The following RAP1GAP2 variants were observed in gnomAD, a reference collection of about 807,000 sequenced individuals.
The protein encoded by RAP1GAP2 is rap1 GTPase-activating protein 2.
In RAP1GAP2, 27 loss-of-function variants were observed where a neutral mutation model predicts 95.0. The observed-to-expected ratio is 0.28, with a 90% CI of 0.21 to 0.39. RAP1GAP2 has a LOEUF of 0.39. Ranked by LOEUF, RAP1GAP2 falls within the 10% of genes least tolerant of loss-of-function variation. The pLI, the probability that RAP1GAP2 is intolerant of heterozygous loss-of-function variation, is 1.00. For missense variants in RAP1GAP2, 771 were observed against 970.0 expected, an observed-to-expected ratio of 0.79 and a Z score of 2.72; for synonymous variants, 373 against 380.9, an observed-to-expected ratio of 0.98 and a Z score of 0.24.
chr17:2,864,954 C>CTGG (rs2072564226), intron 2 of RAP1GAP2, among the ~76,000 whole-genome samples: 1 of 152,302 alleles, frequency 6.6e-6, no homozygotes, highest in Non-Finnish European at 1.5e-5. Context: ...CTGCACCTGC[C>CTGG]TGGTACTTAT....
At position 2,842,614 on chromosome 17, in the gene RAP1GAP2, C is replaced by A. The variant is rs545149131; in HGVS notation, c.80+42064C>A. On this transcript the variant is annotated intron_variant, in intron 2 of 24. Coordinates refer to ENST00000254695, the MANE Select transcript of RAP1GAP2 (RefSeq NM_015085.5). ...ACAGTAGTTTTGGAGCCCTCCCCTCCCTAGAGTTGCCTAAAAGCCGTGGGT... is the reference window on the plus strand; with the variant it reads ...ACAGTAGTTTTGGAGCCCTCCCCTCACTAGAGTTGCCTAAAAGCCGTGGGT... 1.6e-4 allele frequency among the ~76,000 whole-genome samples: 24 copies of A among 152,152 alleles called. No individual in the cohort carries two copies. In the South Asian group the frequency reaches 2.3e-3, roughly 14 times the overall value.
chr17:2,885,747 G>C (rs995933556), intron 2 of RAP1GAP2, among the ~76,000 whole-genome samples: 1 of 152,230 alleles, frequency 6.6e-6, no homozygotes, highest in Non-Finnish European at 1.5e-5. Context: ...GAGAGGATCT[G>C]GGAAGGGGAG....
At chr17:2,882,330 C>A (rs1157889447) in intron 2 of RAP1GAP2, among the ~76,000 whole-genome samples, 1 of 145,112 alleles carries the variant, frequency 6.9e-6, no homozygotes, top group South Asian at 2.2e-4. Context: ...TTACTCTTGT[C>A]CCCCAGGGTG....
intron 8 of RAP1GAP2, among the ~76,000 whole-genome samples, chr17:2,966,490 A>G (rs1258478395): frequency 6.6e-6 from 1 of 152,188 alleles, no homozygotes; most frequent in Admixed American, 6.5e-5. Flanking sequence ...TCATAAAGGT[A>G]TTTGGAAAAG....
Position 3,020,578 on chromosome 17 carries a change from C to G in RAP1GAP2, c.1734C>G (p.Gly578=). ...PRLHTGSEGQ[G]DSRARCDSTS... is the part of the protein sequence containing the mutation. The stretch of plus-strand genomic sequence containing the variant: ...TGCACACGGGCTCAGAAGGCCAGGG[C>G]GACAGCCGGGCACGATGGTAACTGT... Residue 578 remains glycine, a synonymous_variant, in exon 19 of 25, where the codon GGC becomes GGG. Transcript: ENST00000254695. 1 of 1,613,698 alleles carries G rather than the reference C, an allele frequency of 6.2e-7. No homozygotes were observed. Among genetic ancestry groups the G allele is most frequent in the Non-Finnish European group, 8.5e-7 (1 of 1,179,784 alleles).
chr17:2,890,345 T>C (rs1017950532), intron 2 of RAP1GAP2, among the ~76,000 whole-genome samples: 2 of 152,214 alleles, frequency 1.3e-5, no homozygotes, highest in Non-Finnish European at 2.9e-5. Context: ...GAAACTGTTA[T>C]TTAGTTTGAA....
intron 2 of RAP1GAP2, among the ~76,000 whole-genome samples, chr17:2,840,692 T>C (rs902948676): frequency 1.1e-4 from 16 of 152,178 alleles, no homozygotes; most frequent in African/African-American, 3.6e-4. Flanking sequence ...ATTATATCCA[T>C]TTATGATGTG....
Position 2,818,922 on chromosome 17 carries a change from T to C in RAP1GAP2, c.80+18372T>C, listed in dbSNP as rs578228968. Among the ~76,000 whole-genome samples the C allele has an allele frequency of 1.3e-4, 20 of 152,292 alleles. No homozygotes were observed. The East Asian group carries it at 3.1e-3, about 23-fold the overall frequency. ...TTTGGAGACTGAGTAAGTTTATACA[T>C]GTCTAGTGCTTAGAACAGAGAGGGG... On this transcript the variant is annotated intron_variant, in intron 2 of 24. Coordinates refer to ENST00000254695, the MANE Select transcript of RAP1GAP2 (RefSeq NM_015085.5).
chr17:2,926,291 G>A (rs556033137), intron 3 of RAP1GAP2, among the ~76,000 whole-genome samples: 82 of 152,244 alleles, frequency 5.4e-4, no homozygotes, highest in Middle Eastern at 6.8e-3. Flanking sequence ...CACGGGCAGC[G>A]CCCACGTCCT....
At chr17:2,945,436 G>C (rs1443316347) in intron 3 of RAP1GAP2, among the ~76,000 whole-genome samples, 1 of 152,134 alleles carries the variant, frequency 6.6e-6, no homozygotes, top group Non-Finnish European at 1.5e-5. Flanking sequence ...TGACAATAGA[G>C]ATAGTTTTAC....
rs1245907959 is a variant in RAP1GAP2 at position 2,798,829 on chromosome 17, G to GT, written c.45-1683dup. Among the ~76,000 whole-genome samples, 6 of 152,208 alleles carry GT rather than the reference G, an allele frequency of 3.9e-5. No homozygotes were observed. In the East Asian group the frequency reaches 1.2e-3, roughly 29 times the overall value. Reference sequence around the variant, plus strand: ...GTGGGCTGGCTGCTGTGTAGGCGTGGTTTGAACCAGGGCTGCTGTGACCAC... The same window carrying GT: ...GTGGGCTGGCTGCTGTGTAGGCGTGGTTTTGAACCAGGGCTGCTGTGACCAC... On this transcript the variant is annotated intron_variant, in intron 1 of 24. Transcript: ENST00000254695.
At chr17:2,760,083 G>T (rs2071214297) in intron 1 of RAP1GAP2, among the ~76,000 whole-genome samples, 1 of 151,884 alleles carries the variant, frequency 6.6e-6, no homozygotes, top group African/African-American at 2.4e-5. Flanking sequence ...GATGAAAAAT[G>T]GTCTCTTGGA....
At chr17:2,837,905 C>T (rs897259074) in intron 2 of RAP1GAP2, among the ~76,000 whole-genome samples, 2 of 150,516 alleles carry the variant, frequency 1.3e-5, no homozygotes, top group East Asian at 4.0e-4. Flanking sequence ...CGCACCCGGT[C>T]TCAGCCCTGC....
chr17:2,812,572 C>T (rs2151501199), intron 2 of RAP1GAP2, among the ~76,000 whole-genome samples: 1 of 152,012 alleles, frequency 6.6e-6, no homozygotes, highest in East Asian at 1.9e-4. Flanking sequence ...ACCCCCAGCC[C>T]CCATCTGGTG....
At position 3,030,965 on chromosome 17, in the gene RAP1GAP2, C is replaced by G; in HGVS notation, c.2151C>G (p.Arg717=). 1 of 1,610,982 alleles carries G rather than the reference C, an allele frequency of 6.2e-7. No homozygotes were observed. The highest frequency in any genetic ancestry group is 8.5e-7 in the Non-Finnish European group (1 of 1,178,756). Residue 717 remains arginine, a synonymous_variant, in exon 23 of 25, where the codon CGC becomes CGG. Coordinates refer to ENST00000254695, the MANE Select transcript of RAP1GAP2 (RefSeq NM_015085.5). ...RNSPRSNLKF[R]FDKLSHASSG... ...CCCCGAGATCGAACCTGAAATTCCG[C>G]TTTGACAAGCTCAGCCATGCCAGCT...
At chr17:2,763,913 G>A (rs967582683) in intron 1 of RAP1GAP2, among the ~76,000 whole-genome samples, 1 of 151,900 alleles carries the variant, frequency 6.6e-6, no homozygotes, top group Admixed American at 6.6e-5. Context: ...TCAGCCTGGG[G>A]ACCTGTGTGT....
intron 3 of RAP1GAP2, among the ~76,000 whole-genome samples, chr17:2,943,043 A>C (rs1004158881): frequency 7.2e-5 from 11 of 152,200 alleles, no homozygotes; most frequent in Non-Finnish European, 1.2e-4. Flanking sequence ...TGCTGGGATT[A>C]CAGGTGTGAA....
chr17:2,923,373 C>T (rs2042856166), intron 3 of RAP1GAP2, among the ~76,000 whole-genome samples: 1 of 146,096 alleles, frequency 6.8e-6, no homozygotes, highest in Non-Finnish European at 1.5e-5. Context: ...GCTCTGTTGC[C>T]CAGGCTGGAA....
intron 3 of RAP1GAP2, among the ~76,000 whole-genome samples, chr17:2,938,673 C>A (rs547033832): frequency 6.6e-6 from 1 of 152,170 alleles, no homozygotes; most frequent in African/African-American, 2.4e-5. Context: ...AACACACACA[C>A]AAAACACCTT....
Sources: gnomAD v4.1 joint callset for allele counts (sites outside exome capture counted in the v4.1 genomes callset) on GRCh38, gnomAD v4.1.1 for gene constraint, MANE v1.5 for transcripts, NCBI Gene and HGNC (gene_info 2026-07-23, HGNC 2026-07-21) for gene names.